Variants in ANKFN1 observed in about 807,000 individuals in gnomAD.
The protein encoded by ANKFN1 is ankyrin repeat and fibronectin type III domain containing 1, also known as ankyrin repeat and fibronectin type-III domain-containing protein 1.
In ANKFN1, 74 loss-of-function variants were observed where a neutral mutation model predicts 108.7. The observed-to-expected ratio is 0.68, with a 90% CI of 0.56 to 0.83. The LOEUF (loss-of-function observed/expected upper bound fraction) is 0.83, where lower values mean the gene tolerates loss of function less well. ANKFN1 is among the 40% of genes least tolerant of loss of function. The probability of loss-of-function intolerance (pLI) is 0.00; values close to 1 mark genes in which losing one functional copy is unlikely to be tolerated. For synonymous variants in ANKFN1, 547 were observed against 516.2 expected (o/e 1.06, Z -0.81); for missense variants, 1,505 against 1,382.3 (o/e 1.09, Z -1.41).
chr17:56,471,183 C>G (rs978014495), intron 15 of ANKFN1: 2 of 152,714 alleles, frequency 1.3e-5, no homozygotes, highest in Admixed American at 6.5e-5. Context: ...AGAAGAGGGA[C>G]CAAACCCACA....
intron 8 of ANKFN1, among the ~76,000 whole-genome samples, chr17:56,394,183 A>G (rs1271421679): frequency 1.3e-5 from 2 of 152,132 alleles, no homozygotes; most frequent in East Asian, 3.9e-4. Context: ...CTCACCTCAA[A>G]TCATTTTCTT....
Position 56,356,195 on chromosome 17 carries a change from C to G in ANKFN1, c.601+2149C>G, listed in dbSNP as rs574325409. ...TGCAGCACTCACCCTGTGCCAGGCACTTTTCTGAGCACTTTCCATGTATTG... is the reference window on the plus strand; with the variant it reads ...TGCAGCACTCACCCTGTGCCAGGCAGTTTTCTGAGCACTTTCCATGTATTG... On this transcript the variant is annotated intron_variant, in intron 6 of 20. Coordinates refer to ENST00000682825, the MANE Select transcript of ANKFN1 (RefSeq NM_001370326.1). 2.0e-5 allele frequency among the ~76,000 whole-genome samples: 3 copies of G among 152,212 alleles called. No homozygotes were observed. The South Asian group carries it at 6.2e-4, about 32-fold the overall frequency.
intron 1 of ANKFN1, among the ~76,000 whole-genome samples, chr17:56,196,218 T>A (rs1913492874): frequency 6.6e-6 from 1 of 152,170 alleles, no homozygotes; most frequent in African/African-American, 2.4e-5. Context: ...ATTGCACCAC[T>A]GTGCTCCAGC....
intron 4 of ANKFN1, among the ~76,000 whole-genome samples, chr17:56,109,553 T>A (rs768901973): frequency 1.3e-5 from 2 of 151,744 alleles, no homozygotes; most frequent in South Asian, 4.2e-4. Flanking sequence ...GATTTACACA[T>A]GCACTGCCAT....
Position 56,457,354 on chromosome 17 carries a change from A to G in ANKFN1, c.1405A>G (p.Ser469Gly), listed in dbSNP as rs1176192803. 1.9e-6 allele frequency: 3 copies of G among 1,605,874 alleles called. No homozygotes were observed. The highest frequency in any genetic ancestry group is 1.7e-6 in the Non-Finnish European group (2 of 1,178,070). ...PIVEIDDSHTSSITQDFLWFT... is the reference protein window; with the variant it reads ...PIVEIDDSHTGSITQDFLWFT... ...TGTTGAAATAGATGACTCTCACACC[A>G]GTTCTATTACACAAGATTTTCTGTG... Residue 469 changes from serine to glycine, a missense_variant, in exon 13 of 21, where the codon AGT becomes GGT. Ser to Gly is a moderately conservative substitution (Grantham distance 56). Transcript: ENST00000682825.
intron 4 of ANKFN1, among the ~76,000 whole-genome samples, chr17:56,073,830 C>T (rs1162458352): frequency 3.3e-5 from 5 of 152,180 alleles, no homozygotes; most frequent in Admixed American, 2.0e-4. Context: ...ACTTCCAGCA[C>T]GTATCAGTAG....
At chr17:56,240,666 T>C (rs141970471) in intron 3 of ANKFN1, among the ~76,000 whole-genome samples, 7 of 152,216 alleles carry the variant, frequency 4.6e-5, no homozygotes, top group African/African-American at 1.4e-4. Flanking sequence ...TAAGTTTCGG[T>C]TTCTCCAAAT....
At chr17:56,402,456 G>C (rs574522151) in intron 8 of ANKFN1, among the ~76,000 whole-genome samples, 4 of 151,984 alleles carry the variant, frequency 2.6e-5, no homozygotes, top group African/African-American at 7.2e-5. Context: ...TCTCTTCTAG[G>C]TTTTCTAGTT....
chr17:56,176,993 A>G (rs1438748552), intron 1 of ANKFN1, among the ~76,000 whole-genome samples: 2 of 152,190 alleles, frequency 1.3e-5, no homozygotes, highest in African/African-American at 4.8e-5. Context: ...CAAGCCAGGT[A>G]ATTCCAAGAA....
chr17:56,052,425 C>T (rs991569034), intron 4 of ANKFN1, among the ~76,000 whole-genome samples: 8 of 151,968 alleles, frequency 5.3e-5, no homozygotes, highest in South Asian at 2.1e-4. Flanking sequence ...ATGGCATGCC[C>T]GTGGCCTGCA....
chr17:56,171,853 C>T (rs547075431), intron 1 of ANKFN1, among the ~76,000 whole-genome samples: 3 of 152,168 alleles, frequency 2.0e-5, no homozygotes, highest in Non-Finnish European at 4.4e-5. Context: ...AAGGAAGAAA[C>T]TCCTAGCTAG....
intron 8 of ANKFN1, among the ~76,000 whole-genome samples, chr17:56,397,713 G>T (rs1429944599): frequency 6.6e-6 from 1 of 152,174 alleles, no homozygotes; most frequent in Non-Finnish European, 1.5e-5. Flanking sequence ...TGAGGTCATT[G>T]TAAACTTTGG....
chr17:56,159,520 TC>T (rs1396475258), intron 1 of ANKFN1, among the ~76,000 whole-genome samples: 1 of 152,194 alleles, frequency 6.6e-6, no homozygotes, highest in Non-Finnish European at 1.5e-5. Context: ...AGCATATATT[TC>T]CCCAGATATA....
rs368326750 is a variant in ANKFN1, at chr17:56,308,134, G to T, written c.54-18087G>T. Among the ~76,000 whole-genome samples the T allele has an allele frequency of 3.7e-4, 56 of 152,008 alleles. No homozygotes were observed. The East Asian group carries it at 7.4e-3, about 20-fold the overall frequency. On this transcript the variant is annotated intron_variant, in intron 3 of 20. Transcript: ENST00000682825. ...GATAGCATTTGGAGATATACCTAAT[G>T]TTAAATGACGAGTTACTGGGTGCAG...
chr17:56,138,053 G>C (rs1907694776), intron 4 of ANKFN1, among the ~76,000 whole-genome samples: 1 of 152,170 alleles, frequency 6.6e-6, no homozygotes, highest in Non-Finnish European at 1.5e-5. Flanking sequence ...AGTACGGATT[G>C]CTGGACATGT....
At chr17:56,271,363 T>C (rs2043789905) in intron 3 of ANKFN1, among the ~76,000 whole-genome samples, 1 of 152,178 alleles carries the variant, frequency 6.6e-6, no homozygotes, top group African/African-American at 2.4e-5. Flanking sequence ...GGGACCATTC[T>C]TCCTTAGATA....
At chr17:56,152,262 A>ATGTGTGTG (rs200366444), upstream of ANKFN1, among the ~76,000 whole-genome samples, 29 of 77,834 alleles carry the variant, frequency 3.7e-4, no homozygotes, top group East Asian at 1.4e-3. Context: ...ATATATATAT[A>ATGTGTGTG]TGTGTGTGTG....
chr17:56,226,507 G>A (rs1429402854), intron 2 of ANKFN1, among the ~76,000 whole-genome samples: 2 of 152,154 alleles, frequency 1.3e-5, no homozygotes, highest in African/African-American at 2.4e-5. Context: ...TGGAGATATT[G>A]AGTAGTTGGA....
At chr17:56,156,371 A>G (rs1282584817) in intron 1 of ANKFN1, among the ~76,000 whole-genome samples, 3 of 152,172 alleles carry the variant, frequency 2.0e-5, no homozygotes, top group Non-Finnish European at 4.4e-5. Context: ...TGCAGGTGTG[A>G]GCCACCACGC....
Sources: gnomAD v4.1 joint callset for allele counts (sites outside exome capture counted in the v4.1 genomes callset) on GRCh38, gnomAD v4.1.1 for gene constraint, MANE v1.5 for transcripts, NCBI Gene and HGNC (gene_info 2026-07-23, HGNC 2026-07-21) for gene names.